The following NKAIN1 variants were observed in gnomAD, a reference collection of about 807,000 sequenced individuals.
The protein encoded by NKAIN1 is sodium/potassium transporting ATPase interacting 1.
In NKAIN1, 13 loss-of-function variants were observed where a neutral mutation model predicts 31.6. The observed-to-expected ratio is 0.41, with a 90% CI of 0.27 to 0.65. NKAIN1 has a LOEUF of 0.65. Ranked by LOEUF, NKAIN1 falls within the 30% of genes least tolerant of loss-of-function variation. The pLI is 0.30. For missense variants in NKAIN1, 193 were observed against 262.2 expected (o/e 0.74, Z 1.82); for synonymous variants, 104 against 109.0 (o/e 0.95, Z 0.28).
intron 1 of NKAIN1, among the ~76,000 whole-genome samples, chr1:31,234,734 C>T (rs1381140522): frequency 2.0e-5 from 3 of 152,212 alleles, no homozygotes; most frequent in African/African-American, 7.2e-5. Context: ...ATGAGGCTAT[C>T]GAAATATGAT....
chr1:31,225,323 GCC>G (rs1645595270), intron 1 of NKAIN1, among the ~76,000 whole-genome samples: 2 of 105,762 alleles, frequency 1.9e-5, no homozygotes, highest in South Asian at 7.0e-4. Flanking sequence ...ACCATGCCCG[GCC>G]TTTTTTTTTT....
Position 31,221,236 on chromosome 1 carries a change from G to A in NKAIN1, c.54+18258C>T, listed in dbSNP as rs114228887. Among the ~76,000 whole-genome samples the A allele has an allele frequency of 5.1e-3, 783 of 152,276 alleles. 5 individuals carry two copies. The highest frequency in any genetic ancestry group is 0.018 in the African/African-American group (736 of 41,566). ...TAGGTCCATGCAACCTGAGTTTAGGGACACGGAAGTGGTAAGTTTCGGTTA... is the reference window on the plus strand; with the variant it reads ...TAGGTCCATGCAACCTGAGTTTAGGAACACGGAAGTGGTAAGTTTCGGTTA... On this transcript the variant is annotated intron_variant, in intron 1 of 6. Coordinates refer to ENST00000373736, the MANE Select transcript of NKAIN1 (RefSeq NM_024522.3).
At chr1:31,230,391 C>A (rs1459651754) in intron 1 of NKAIN1, among the ~76,000 whole-genome samples, 1 of 152,206 alleles carries the variant, frequency 6.6e-6, no homozygotes, top group African/African-American at 2.4e-5. Flanking sequence ...CCCAGCCTGA[C>A]CCCAAAGCCC....
chr1:31,216,855 A>G (rs1021115349), intron 1 of NKAIN1, among the ~76,000 whole-genome samples: 1 of 151,600 alleles, frequency 6.6e-6, no homozygotes, highest in African/African-American at 2.4e-5. Context: ...CACCACGCCT[A>G]GCTAATTTTT....
At chr1:31,213,195 T>C (rs1645484330) in intron 1 of NKAIN1, among the ~76,000 whole-genome samples, 1 of 151,362 alleles carries the variant, frequency 6.6e-6, no homozygotes, top group Non-Finnish European at 1.5e-5. Flanking sequence ...ATACATCTAA[T>C]AAGTGTCCAA....
intron 1 of NKAIN1, among the ~76,000 whole-genome samples, chr1:31,234,859 G>A (rs891558858): frequency 6.6e-6 from 1 of 152,226 alleles, no homozygotes; most frequent in Admixed American, 6.5e-5. Context: ...TGTTCAGACA[G>A]AAGAGTCCTC....
At chr1:31,226,436 A>G (rs1468685229) in intron 1 of NKAIN1, among the ~76,000 whole-genome samples, 1 of 151,844 alleles carries the variant, frequency 6.6e-6, no homozygotes, top group East Asian at 1.9e-4. Context: ...GGTCTAAGGG[A>G]CCCTGGGACT....
chr1:31,226,712 C>T (rs968448443), intron 1 of NKAIN1, among the ~76,000 whole-genome samples: 6 of 151,586 alleles, frequency 4.0e-5, no homozygotes, highest in East Asian at 1.9e-4. Context: ...TTAGTAGAGA[C>T]GGGGTTTCAC....
At chr1:31,200,169 C>T (rs1367019614) in intron 1 of NKAIN1, among the ~76,000 whole-genome samples, 1 of 152,236 alleles carries the variant, frequency 6.6e-6, no homozygotes, top group Non-Finnish European at 1.5e-5. Flanking sequence ...GCCTCTCTAT[C>T]CCAGCCCGGA....
chr1:31,218,075 T>TCTCTCTCTCTCTCTCTCTCTCTCTCTCTC (rs1557660009), intron 1 of NKAIN1, among the ~76,000 whole-genome samples: 1 of 148,234 alleles, frequency 6.7e-6, no homozygotes, highest in African/African-American at 2.6e-5. Flanking sequence ...TTTCTTTTTT[T>TCTCTCTCTCTCTCTCTCTCTCTCTCTCTC]TTTTTGAGAT....
At chr1:31,204,779 T>A (rs1157135417) in intron 1 of NKAIN1, among the ~76,000 whole-genome samples, 5 of 151,978 alleles carry the variant, frequency 3.3e-5, no homozygotes, top group Non-Finnish European at 7.4e-5. Context: ...GGCACTTAGG[T>A]AGAGAGAATT....
chr1:31,225,168 C>T (rs1645593915), intron 1 of NKAIN1, among the ~76,000 whole-genome samples: 1 of 149,462 alleles, frequency 6.7e-6, no homozygotes, highest in African/African-American at 2.5e-5. Flanking sequence ...GCTGGGACTA[C>T]AGGCACCCGC....
At chr1:31,225,244 T>G (rs1197203285) in intron 1 of NKAIN1, among the ~76,000 whole-genome samples, 2 of 151,032 alleles carry the variant, frequency 1.3e-5, no homozygotes, top group Non-Finnish European at 2.9e-5. Context: ...GGCAGGATGG[T>G]CTTGATCTCC....
chr1:31,188,136 G>T lies in NKAIN1; in HGVS notation c.106C>A (p.Pro36Thr). 1 of 1,552,032 alleles carries T rather than the reference G, an allele frequency of 6.4e-7. No individual in the cohort carries two copies. The highest frequency in any genetic ancestry group is 8.7e-7 in the Non-Finnish European group (1 of 1,147,166). ...IFDFLGYQWA[P>T]ILANFLHIMA... ...ATGTGCAGGAAGTTGGCTAGGATGG[G>T]AGCCCACTGGTAGCCCAGGAAGTCA... Residue 36 changes from proline to threonine, a missense_variant, in exon 2 of 7, where the codon CCC becomes ACC. By Grantham distance (38) the Pro-to-Thr change is conservative. Coordinates refer to ENST00000373736, the MANE Select transcript of NKAIN1 (RefSeq NM_024522.3).
chr1:31,218,614 A>G (rs929707919), intron 1 of NKAIN1, among the ~76,000 whole-genome samples: 5 of 152,182 alleles, frequency 3.3e-5, no homozygotes, highest in African/African-American at 9.7e-5. Flanking sequence ...AGGAAATCTT[A>G]CCATCACCTC....
intron 1 of NKAIN1, among the ~76,000 whole-genome samples, chr1:31,225,630 C>A (rs1182624294): frequency 6.6e-6 from 1 of 151,988 alleles, no homozygotes; most frequent in African/African-American, 2.4e-5. Flanking sequence ...GCCTCACAGT[C>A]CATTTCTGGA....
At chr1:31,212,738 A>G (rs61778332) in intron 1 of NKAIN1, among the ~76,000 whole-genome samples, 3 of 150,714 alleles carry the variant, frequency 2.0e-5, no homozygotes, top group Admixed American at 2.0e-4. Context: ...CGGTGGCTCA[A>G]GCCTGTAATC....
chr1:31,227,046 A>G (rs190593804), intron 1 of NKAIN1, among the ~76,000 whole-genome samples: 1 of 152,264 alleles, frequency 6.6e-6, no homozygotes, highest in Non-Finnish European at 1.5e-5. Flanking sequence ...GCTGTTCTCA[A>G]ACTCCTGGCC....
intron 5 of NKAIN1, 42 bp downstream of exon 5, chr1:31,182,488 G>T (rs1359700381): frequency 1.9e-6 from 3 of 1,607,128 alleles, no homozygotes; most frequent in Non-Finnish European, 2.6e-6. Context: ...TGCTGAAGGC[G>T]CAGGGCCAGA....
Sources: gnomAD v4.1 joint callset for allele counts (sites outside exome capture counted in the v4.1 genomes callset) on GRCh38, gnomAD v4.1.1 for gene constraint, MANE v1.5 for transcripts, NCBI Gene and HGNC (gene_info 2026-07-23, HGNC 2026-07-21) for gene names.